Variants in GLIS1 observed in about 807,000 individuals in gnomAD.
GLIS1 encodes the protein zinc finger protein GLIS1.
Under a neutral mutation model 63.8 loss-of-function variants are expected in GLIS1, and 24 were observed. That is an observed-to-expected ratio of 0.38 (90% confidence interval 0.27 to 0.53). The LOEUF is 0.53. GLIS1 is among the 20% of genes least tolerant of loss of function. The probability of loss-of-function intolerance (pLI) is 0.85; values close to 1 mark genes in which losing one functional copy is unlikely to be tolerated. For synonymous variants in GLIS1, 450 were observed against 482.5 expected (o/e 0.93, Z 0.88); for missense variants, 1,036 against 1,074.1 (o/e 0.96, Z 0.50).
At chr1:53,701,470 C>A (rs1646521796) in intron 2 of GLIS1, among the ~76,000 whole-genome samples, 1 of 152,228 alleles carries the variant, frequency 6.6e-6, no homozygotes, top group African/African-American at 2.4e-5. Context: ...AAAAGGAACA[C>A]TTACTGAGAG....
At chr1:53,666,927 A>C (rs1417583318) in intron 2 of GLIS1, among the ~76,000 whole-genome samples, 1 of 152,164 alleles carries the variant, frequency 6.6e-6, no homozygotes, top group Non-Finnish European at 1.5e-5. Context: ...ATGACCCTGC[A>C]GCTGTTTCAT....
At chr1:53,510,850 G>T (rs1474180656) in intron 8 of GLIS1, among the ~76,000 whole-genome samples, 1 of 152,180 alleles carries the variant, frequency 6.6e-6, no homozygotes, top group Non-Finnish European at 1.5e-5. Flanking sequence ...CATACCTCCT[G>T]TGATGGGGGC....
At chr1:53,596,693 C>T (rs947133345) in intron 3 of GLIS1, among the ~76,000 whole-genome samples, 4 of 152,108 alleles carry the variant, frequency 2.6e-5, no homozygotes, top group African/African-American at 9.7e-5. Context: ...AGCTCCAGCC[C>T]CTCCATCTCT....
intron 2 of GLIS1, among the ~76,000 whole-genome samples, chr1:53,694,167 T>C (rs538993937): frequency 1.9e-4 from 29 of 152,204 alleles, no homozygotes; most frequent in African/African-American, 6.5e-4. Context: ...TCAGGGCAGG[T>C]CTAGGATGGC....
intron 2 of GLIS1, among the ~76,000 whole-genome samples, chr1:53,674,504 T>C (rs1032152751): frequency 4.6e-5 from 7 of 152,258 alleles, no homozygotes; most frequent in African/African-American, 1.7e-4. Context: ...ATGTGTAAAA[T>C]GGGGACGGGA....
At chr1:53,694,166 G>A (rs1365343308) in intron 2 of GLIS1, among the ~76,000 whole-genome samples, 1 of 152,182 alleles carries the variant, frequency 6.6e-6, no homozygotes, top group South Asian at 2.1e-4. Context: ...GTCAGGGCAG[G>A]TCTAGGATGG....
intron 4 of GLIS1, among the ~76,000 whole-genome samples, chr1:53,535,351 T>A (rs1644571957): frequency 6.6e-6 from 1 of 152,018 alleles, no homozygotes; most frequent in South Asian, 2.1e-4. Context: ...GCTGTCACTG[T>A]TTCTTCCATC....
chr1:53,622,079 C>T (rs551608053), intron 2 of GLIS1, among the ~76,000 whole-genome samples: 44 of 152,034 alleles, frequency 2.9e-4, no homozygotes, highest in Non-Finnish European at 5.4e-4. Flanking sequence ...CCACTGCGTC[C>T]GGCCTCATAC....
In GLIS1 at chr1:53,600,163, G is replaced by C; in HGVS notation, c.375C>G (p.Ser125Arg). ...CTTGGGGGTGAGCCCGGGGCGGTGGGCTTCCTGCAGGGAGAAACAGGCCCT... is the reference window on the plus strand; with the variant it reads ...CTTGGGGGTGAGCCCGGGGCGGTGGCCTTCCTGCAGGGAGAAACAGGCCCT... ...CCQGLFLPAG[S>R]PPPRAHPQAC... The change falls in exon 3 of 11, where the codon AGC (serine) becomes AGG (arginine). Residue 125 changes from serine (S) to arginine (R), a missense_variant. Physicochemically the swap from Ser to Arg is moderately radical, Grantham distance 110. Around this residue, in one of 3 missense-constraint regions of GLIS1, gnomAD observed 592 missense variants for 593.9 expected, o/e 1.00. Coordinates refer to ENST00000628545, the MANE Select transcript of GLIS1 (RefSeq NM_001367484.1). The C allele has an allele frequency of 8.1e-7, 1 of 1,231,320 alleles. No homozygotes were observed. The highest frequency in any genetic ancestry group is 1.0e-6 in the Non-Finnish European group (1 of 987,194). 76.3% of individuals were successfully genotyped at this position (1,231,320 alleles called of 1,614,324 possible).
rs189949694 is a variant in GLIS1, at chr1:53,713,116, C to G, written c.259+24690G>C. Reference sequence around the variant, plus strand: ...TATAAACGGAGACAGAGACATGCCACGACTTCAAGACCAGCCTAGGCAACA... The same window carrying G: ...TATAAACGGAGACAGAGACATGCCAGGACTTCAAGACCAGCCTAGGCAACA... On this transcript the variant is annotated intron_variant, in intron 2 of 10. Coordinates refer to ENST00000628545, the MANE Select transcript of GLIS1 (RefSeq NM_001367484.1). Among the ~76,000 whole-genome samples, 16 of 152,314 alleles carry G rather than the reference C, an allele frequency of 1.1e-4. 1 individual carries two copies. In the South Asian group the frequency reaches 1.7e-3, roughly 16 times the overall value.
chr1:53,660,185 T>C (rs116066528), intron 2 of GLIS1, among the ~76,000 whole-genome samples: 1,608 of 152,290 alleles, frequency 0.011, 19 homozygotes, highest in African/African-American at 0.037. Flanking sequence ...AGGGCCTTGC[T>C]TAGGGGAGGC....
chr1:53,530,464 C>T (rs1253099797), intron 4 of GLIS1, among the ~76,000 whole-genome samples: 1 of 152,186 alleles, frequency 6.6e-6, no homozygotes. Flanking sequence ...GACATGAGGG[C>T]CCCAGGGGGT....
Position 53,632,920 on chromosome 1 carries a change from ATGAG to A in GLIS1, c.260-32646_260-32643del, listed in dbSNP as rs147668980. Among the ~76,000 whole-genome samples, 521 of 114,020 alleles carry A rather than the reference ATGAG, an allele frequency of 4.6e-3. 2 individuals carry two copies. The highest frequency in any genetic ancestry group is 0.016 in the African/African-American group (453 of 29,200). The allele number at this position is 114,020 out of a possible 152,430, so 74.8% of individuals were successfully genotyped here. A position where few individuals can be genotyped will look rare whatever the true frequency, so the allele number is the denominator to read the frequency against. ...GAATGAATGTGAATGAGAGGTGTGA[ATGAG>A]TGTGACTGAGGGGCATGTGAATGTG... On this transcript the variant is annotated intron_variant, in intron 2 of 10. Transcript: ENST00000628545.
rs1354587075 is a variant in GLIS1 at position 53,598,248 on chromosome 1, T to C, written c.437+1853A>G. On this transcript the variant is annotated intron_variant, in intron 3 of 10. Coordinates refer to ENST00000628545, the MANE Select transcript of GLIS1 (RefSeq NM_001367484.1). The surrounding 1 kb of genome is among the most constrained non-coding windows in gnomAD (Gnocchi z 4.6). Reference sequence around the variant, plus strand: ...CCTACTCTGATAGGACAGGTGTTCTTATAAGAAATGAGGGCCGGGCACGGT... The same window carrying C: ...CCTACTCTGATAGGACAGGTGTTCTCATAAGAAATGAGGGCCGGGCACGGT... Among the ~76,000 whole-genome samples, 1 of 152,102 alleles carries C rather than the reference T, an allele frequency of 6.6e-6. No individual in the cohort carries two copies. Among genetic ancestry groups the C allele is most frequent in the Non-Finnish European group, 1.5e-5 (1 of 68,022 alleles).
intron 8 of GLIS1, 39 bp downstream of exon 8, chr1:53,514,586 C>A: frequency 6.2e-7 from 1 of 1,600,436 alleles, no homozygotes; most frequent in Non-Finnish European, 8.5e-7. Flanking sequence ...GAGATCCCCC[C>A]TTGTTGCCCC....
chr1:53,545,302 C>A (rs959611539), intron 4 of GLIS1, among the ~76,000 whole-genome samples: 3 of 152,174 alleles, frequency 2.0e-5, no homozygotes, highest in Admixed American at 2.0e-4. Flanking sequence ...GGACAGGGGG[C>A]CTGATGGGGT....
intron 2 of GLIS1, among the ~76,000 whole-genome samples, chr1:53,734,627 T>C (rs559108350): frequency 1.3e-5 from 2 of 152,200 alleles, no homozygotes; most frequent in Non-Finnish European, 2.9e-5. Flanking sequence ...TACAGACTTC[T>C]ACATCTGCTC....
intron 2 of GLIS1, among the ~76,000 whole-genome samples, chr1:53,658,428 G>A (rs746908050): frequency 1.3e-5 from 2 of 152,164 alleles, no homozygotes; most frequent in African/African-American, 2.4e-5. Context: ...AATGCATGAC[G>A]CCAGAAGTTC....
intron 2 of GLIS1, among the ~76,000 whole-genome samples, chr1:53,650,589 C>CA (rs61374751): frequency 0.12 from 13,012 of 105,338 alleles, 860 homozygotes; most frequent in South Asian, 0.25. Flanking sequence ...GACTTCATCT[C>CA]AAAAAAAAAA....
Sources: allele counts gnomAD v4.1 joint callset (sites outside exome capture counted in the v4.1 genomes callset), GRCh38; gene constraint gnomAD v4.1.1; regional missense constraint gnomAD v4.1.1; non-coding constraint Gnocchi (gnomAD v3.1); transcripts MANE v1.5; gene names NCBI Gene and HGNC (gene_info 2026-07-23, HGNC 2026-07-21).